The following KIRREL3 variants were observed in gnomAD, a reference collection of about 807,000 sequenced individuals.
KIRREL3 encodes the protein kirre like nephrin family adhesion molecule 3.
A neutral mutation model predicts 89.7 loss-of-function variants in KIRREL3; 36 were observed. The ratio of observed to expected loss-of-function variants is 0.40; its 90% CI spans 0.31 to 0.53. KIRREL3 has a LOEUF of 0.53. Ranked by LOEUF, KIRREL3 falls within the 20% of genes least tolerant of loss-of-function variation. The probability of loss-of-function intolerance (pLI) is 0.49; values close to 1 mark genes in which losing one functional copy is unlikely to be tolerated. For missense variants in KIRREL3, 864 were observed against 1,056.6 expected (o/e 0.82, Z 2.53); for synonymous variants, 445 against 441.4 (o/e 1.01, Z -0.10).
chr11:126,608,437 C>T lies in KIRREL3; in HGVS notation c.56-45525G>A, dbSNP rs1283719098. Among the ~76,000 whole-genome samples the T allele has an allele frequency of 6.6e-6, 1 of 151,906 alleles. No individual in the cohort carries two copies. The highest frequency in any genetic ancestry group is 1.5e-5 in the Non-Finnish European group (1 of 67,916). ...ATTAAATTCACTAACCTTGCTTTTC[C>T]ACCAGGTTTAGCCCCTGGTGCCCTT... is the stretch of plus-strand genomic sequence containing the variant. On this transcript the variant is annotated intron_variant, in intron 1 of 16. Transcript: ENST00000525144. The surrounding 1 kb of genome is among the most constrained non-coding windows in gnomAD (Gnocchi z 4.9).
chr11:126,435,451 C>G, intron 12 of KIRREL3, 148 bp from the exon 13 acceptor site: 1 of 777,880 alleles, frequency 1.3e-6, no homozygotes. Context: ...CAGGCTAGCC[C>G]AGCTGAACTT....
intron 1 of KIRREL3, among the ~76,000 whole-genome samples, chr11:126,815,486 C>A (rs1951533854): frequency 1.3e-5 from 2 of 152,200 alleles, no homozygotes; most frequent in South Asian, 4.1e-4. Flanking sequence ...TGAAAGCACA[C>A]AGTATCTGGC....
rs190826585 is a variant in KIRREL3, at chr11:126,603,162, G to T, written c.56-40250C>A. 2.0e-5 allele frequency among the ~76,000 whole-genome samples: 3 copies of T among 152,320 alleles called. No homozygotes were observed. The East Asian group carries it at 5.8e-4, about 29-fold the overall frequency. Reference sequence around the variant, plus strand: ...AGAGATGCCCCTACAGATTCCTGGAGCTGCTGGGCCCCATGCCAGGGCAAG... The same window carrying T: ...AGAGATGCCCCTACAGATTCCTGGATCTGCTGGGCCCCATGCCAGGGCAAG... On this transcript the variant is annotated intron_variant, in intron 1 of 16. Coordinates refer to ENST00000525144, the MANE Select transcript of KIRREL3 (RefSeq NM_032531.4).
intron 1 of KIRREL3, among the ~76,000 whole-genome samples, chr11:126,722,541 G>T (rs1948216477): frequency 6.6e-6 from 1 of 152,228 alleles, no homozygotes; most frequent in Admixed American, 6.5e-5. Context: ...TTAGAACACA[G>T]ACATGCTTAC....
chr11:126,971,597 G>A (rs1949426569), intron 1 of KIRREL3, among the ~76,000 whole-genome samples: 1 of 152,134 alleles, frequency 6.6e-6, no homozygotes, highest in Non-Finnish European at 1.5e-5. Flanking sequence ...TGTCGTGAGA[G>A]CACTGAAAGG....
intron 1 of KIRREL3, among the ~76,000 whole-genome samples, chr11:126,831,194 T>C (rs759755408): frequency 6.6e-6 from 1 of 152,232 alleles, no homozygotes; most frequent in African/African-American, 2.4e-5. Flanking sequence ...TGCTCACTGA[T>C]AGCTGTTGGC....
intron 1 of KIRREL3, among the ~76,000 whole-genome samples, chr11:126,707,691 C>A (rs1262120717): frequency 6.6e-6 from 1 of 152,188 alleles, no homozygotes; most frequent in African/African-American, 2.4e-5. Flanking sequence ...CATTTAAATT[C>A]TCATCTAACT....
At chr11:126,500,152 T>C (rs1957809391) in intron 4 of KIRREL3, among the ~76,000 whole-genome samples, 1 of 152,232 alleles carries the variant, frequency 6.6e-6, no homozygotes, top group South Asian at 2.1e-4. Context: ...TATTAGATGC[T>C]GTTGGGTTGT....
Position 126,866,675 on chromosome 11 carries a change from A to G in KIRREL3, c.55+133780T>C, listed in dbSNP as rs557726808. 1.1e-3 allele frequency among the ~76,000 whole-genome samples: 163 copies of G among 151,404 alleles called. 3 individuals carry two copies. In the South Asian group the frequency reaches 0.029, roughly 27 times the overall value. On this transcript the variant is annotated intron_variant, in intron 1 of 16. Coordinates refer to ENST00000525144, the MANE Select transcript of KIRREL3 (RefSeq NM_032531.4). ...CCCCCCCACACACACTGACCAGCCTATAAAAACCCCGAGACCCTAGCAGGG... is the reference window on the plus strand; with the variant it reads ...CCCCCCCACACACACTGACCAGCCTGTAAAAACCCCGAGACCCTAGCAGGG...
In KIRREL3 at chr11:126,993,462, A is replaced by G. The variant is rs982203996; in HGVS notation, c.55+6993T>C. Among the ~76,000 whole-genome samples the G allele has an allele frequency of 6.6e-6, 1 of 152,228 alleles. No homozygotes were observed. Among genetic ancestry groups the G allele is most frequent in the African/African-American group, 2.4e-5 (1 of 41,454 alleles). On this transcript the variant is annotated intron_variant, in intron 1 of 16. Transcript: ENST00000525144. The surrounding 1 kb of genome is among the most constrained non-coding windows in gnomAD (Gnocchi z 6.1). Reference sequence around the variant, plus strand: ...CGTTTAGAGAACTCTTGAGCATCCTATAATATCAAGCATGATGTCATCTCC... The same window carrying G: ...CGTTTAGAGAACTCTTGAGCATCCTGTAATATCAAGCATGATGTCATCTCC...
Position 126,531,445 on chromosome 11 carries a change from G to T in KIRREL3, c.134-4758C>A, listed in dbSNP as rs967865164. Among the ~76,000 whole-genome samples the T allele has an allele frequency of 6.6e-6, 1 of 152,120 alleles. No homozygotes were observed. The highest frequency in any genetic ancestry group is 1.5e-5 in the Non-Finnish European group (1 of 68,030). ...GCTGGATTCTAATCTCCAAAATCCA[G>T]CTCCTTTTCTTCCTGGGAGCTCCAC... On this transcript the variant is annotated intron_variant, in intron 2 of 16. Coordinates refer to ENST00000525144, the MANE Select transcript of KIRREL3 (RefSeq NM_032531.4). The surrounding 1 kb of genome is among the most constrained non-coding windows in gnomAD (Gnocchi z 4.7).
At position 126,570,485 on chromosome 11, in the gene KIRREL3, T is replaced by C. The variant is rs987675536; in HGVS notation, c.56-7573A>G. On this transcript the variant is annotated intron_variant, in intron 1 of 16. Transcript: ENST00000525144. The surrounding 1 kb of genome is among the most constrained non-coding windows in gnomAD (Gnocchi z 6.1). The stretch of plus-strand genomic sequence containing the variant: ...GTTAGGAAGAGTTGACAATCATTTG[T>C]GATAATTCCAAAAACTTGTTGTGAC... Among the ~76,000 whole-genome samples, 3 of 152,214 alleles carry C rather than the reference T, an allele frequency of 2.0e-5. No homozygotes were observed. Among genetic ancestry groups the C allele is most frequent in the African/African-American group, 7.2e-5 (3 of 41,450 alleles).
rs1946744760 is a variant in KIRREL3 at position 126,909,872 on chromosome 11, T to C, written c.55+90583A>G. On this transcript the variant is annotated intron_variant, in intron 1 of 16. Transcript: ENST00000525144. This position sits in a 1 kb window ranked among gnomAD's most constrained non-coding sequence, Gnocchi z 4.5. ...TCAGATATATGGTCTGTGATATGGA[T>C]ATGATATTTTTTTATTGCAATAATA... is the stretch of plus-strand genomic sequence containing the variant. 6.6e-6 allele frequency among the ~76,000 whole-genome samples: 1 copy of C among 152,164 alleles called. No homozygotes were observed. Among genetic ancestry groups the C allele is most frequent in the Non-Finnish European group, 1.5e-5 (1 of 68,036 alleles).
chr11:126,436,895 G>A lies in KIRREL3; in HGVS notation c.1468C>T (p.Arg490Trp), dbSNP rs531558096. Residue 490 changes from arginine (R) to tryptophan (W), a missense_variant, in exon 12 of 17, where the codon CGG becomes TGG. Physicochemically the swap from Arg to Trp is moderately radical, Grantham distance 101 (BLOSUM62 -3). Coordinates refer to ENST00000525144, the MANE Select transcript of KIRREL3 (RefSeq NM_032531.4). ...TTGTAGATGGTCTGGAAGTCGGCCC[G>A]CACGATGTTGCTGATGGTCAGGGTG... is the stretch of plus-strand genomic sequence containing the variant. ...ISTLTISNIV[R>W]ADFQTIYNCT... 6.5e-5 allele frequency: 105 copies of A among 1,613,450 alleles called. No homozygotes were observed. The highest frequency in any genetic ancestry group is 3.4e-4 in the Middle Eastern group (2 of 5,816).
chr11:126,954,632 T>C lies in KIRREL3; in HGVS notation c.55+45823A>G, dbSNP rs530088261. 3.3e-5 allele frequency among the ~76,000 whole-genome samples: 5 copies of C among 152,056 alleles called. No individual in the cohort carries two copies. The highest frequency in any genetic ancestry group is 1.2e-4 in the African/African-American group (5 of 41,380). ...ATCTTCCCAAACCCTACAAGATGGC[T>C]TGATTCACAACACTATATTTCAACC... On this transcript the variant is annotated intron_variant, in intron 1 of 16. Transcript: ENST00000525144. The surrounding 1 kb of genome is among the most constrained non-coding windows in gnomAD (Gnocchi z 4.1).
At position 126,586,407 on chromosome 11, in the gene KIRREL3, T is replaced by G. The variant is rs530952312; in HGVS notation, c.56-23495A>C. On this transcript the variant is annotated intron_variant, in intron 1 of 16. Coordinates refer to ENST00000525144, the MANE Select transcript of KIRREL3 (RefSeq NM_032531.4). Reference sequence around the variant, plus strand: ...AGCGGTCTTGCTGAGACCCTCTCACTGAACGCGAGCTGGGGGAAGGGTCTC... The same window carrying G: ...AGCGGTCTTGCTGAGACCCTCTCACGGAACGCGAGCTGGGGGAAGGGTCTC... Among the ~76,000 whole-genome samples, 6 of 152,216 alleles carry G rather than the reference T, an allele frequency of 3.9e-5. No homozygotes were observed. The South Asian group carries it at 1.2e-3, about 32-fold the overall frequency.
Position 126,486,556 on chromosome 11 carries a change from G to A in KIRREL3, c.434-13090C>T, listed in dbSNP as rs895651424. The stretch of plus-strand genomic sequence containing the variant: ...TGGTTTCGACCTTAACCTGATTTGG[G>A]GTCTCTTTTGCTCAACACAGCTGGG... On this transcript the variant is annotated intron_variant, in intron 4 of 16. Coordinates refer to ENST00000525144, the MANE Select transcript of KIRREL3 (RefSeq NM_032531.4). This position sits in a 1 kb window ranked among gnomAD's most constrained non-coding sequence, Gnocchi z 6.2. Among the ~76,000 whole-genome samples the A allele has an allele frequency of 1.3e-5, 2 of 152,166 alleles. No individual in the cohort carries two copies. The highest frequency in any genetic ancestry group is 2.9e-5 in the Non-Finnish European group (2 of 68,028).
chr11:126,552,570 T>G lies in KIRREL3; in HGVS notation c.133+10265A>C, dbSNP rs1409453015. On this transcript the variant is annotated intron_variant, in intron 2 of 16. Transcript: ENST00000525144. ...GAAAAGTTTTTTTTTTTTTTTTTTT[T>G]TTTTTTTTTTTGAGACAGAGTTTTG... Among the ~76,000 whole-genome samples, 22 of 108,794 alleles carry G rather than the reference T, an allele frequency of 2.0e-4. 1 individual carries two copies. Among genetic ancestry groups the G allele is most frequent in the Admixed American group, 1.9e-3 (21 of 11,050 alleles). The allele number at this position is 108,794 out of a possible 152,430, so 71.4% of individuals were successfully genotyped here.
In KIRREL3 at chr11:126,442,284, CAAAAAA is replaced by C. The variant is rs1565454186; in HGVS notation, c.1253-1741_1253-1736del. Among the ~76,000 whole-genome samples the C allele has an allele frequency of 3.1e-3, 249 of 80,450 alleles. 13 individuals carry two copies. Among genetic ancestry groups the C allele is most frequent in the South Asian group, 7.2e-3 (16 of 2,232 alleles). 52.8% of individuals were successfully genotyped at this position (80,450 alleles called of 152,430 possible). The stretch of plus-strand genomic sequence containing the variant: ...TCAAAAAAAAAAAACAAAAAAAAAA[CAAAAAA>C]CCCAACATGCACAGACACACAAAAC... On this transcript the variant is annotated intron_variant, in intron 10 of 16. Transcript: ENST00000525144.
Sources: gnomAD v4.1 joint callset for allele counts (sites outside exome capture counted in the v4.1 genomes callset) on GRCh38, gnomAD v4.1.1 for gene constraint, Gnocchi (gnomAD v3.1) non-coding constraint, MANE v1.5 for transcripts, NCBI Gene and HGNC (gene_info 2026-07-23, HGNC 2026-07-21) for gene names.